ZNF20: variants seen among roughly 807,000 people sequenced by gnomAD.
ZNF20 encodes the protein zinc finger protein 20, also known as zinc finger protein KOX13.
ZNF20 carries 9 observed loss-of-function variants against 11.0 expected under a neutral mutation model. That is an observed-to-expected ratio of 0.82 (90% CI 0.49 to 1.43). The LOEUF (loss-of-function observed/expected upper bound fraction) is 1.43, where lower values mean the gene tolerates loss of function less well. Among genes scored for constraint, ZNF20 ranks in the 40% most tolerant of loss-of-function variants. ZNF20 has a pLI of 0.00. For missense variants in ZNF20, 528 were observed against 640.8 expected (o/e 0.82, Z 1.90); for synonymous variants, 182 against 213.0 (o/e 0.85, Z 1.27).
Position 12,133,425 on chromosome 19 carries a change from G to T in ZNF20, c.761C>A (p.Ala254Asp). 6.2e-7 allele frequency: 1 copy of T among 1,614,014 alleles called. No individual in the cohort carries two copies. ...ATTCCCACATTCTTTACATTCATCG[G>T]CATTCACTCCTGTGTGAGTTCTTTC... is the stretch of plus-strand genomic sequence containing the variant. The part of the protein sequence containing the change: ...VHERTHTGVN[A>D]DECKECGNAF... Residue 254 changes from alanine to aspartate, a missense_variant, in exon 4 of 4, where the codon GCC becomes GAC. Ala to Asp is a moderately radical substitution (Grantham distance 126). Transcript: ENST00000334213.
At chr19:12,134,301 G>C (rs1599432301) in intron 3 of ZNF20, among the ~76,000 whole-genome samples, 1 of 151,872 alleles carries the variant, frequency 6.6e-6, no homozygotes, top group South Asian at 2.1e-4. Flanking sequence ...TCTAGCCTGG[G>C]TGACAAGGGC....
intron 1 of ZNF20, 76 bp downstream of exon 1, chr19:12,140,104 G>T (rs1976776752): frequency 1.3e-6 from 2 of 1,544,702 alleles, no homozygotes; most frequent in Admixed American, 1.9e-5. Context: ...AGGAGGCCCA[G>T]ATCCCACCAC....
Position 12,133,446 on chromosome 19 carries a change from C to T in ZNF20, c.740G>A (p.Arg247Lys), listed in dbSNP as rs371304651. 3 of 1,614,098 alleles carry T rather than the reference C, an allele frequency of 1.9e-6. No homozygotes were observed. Among genetic ancestry groups the T allele is most frequent in the Non-Finnish European group, 2.5e-6 (3 of 1,179,950 alleles). ...TRSTTLPVHE[R>K]THTGVNADEC... is the part of the protein sequence containing the mutation. ...ATCGGCATTCACTCCTGTGTGAGTT[C>T]TTTCATGTACTGGAAGGGTAGTGGA... The change falls in exon 4 of 4, where the codon AGA (arginine) becomes AAA (lysine). Residue 247 changes from arginine (R) to lysine (K), a missense_variant. By Grantham distance (26) the Arg-to-Lys change is conservative. Transcript: ENST00000334213.
intron 3 of ZNF20, 86 bp downstream of exon 3, chr19:12,135,414 A>G (rs1027362037): frequency 1.4e-6 from 2 of 1,393,176 alleles, no homozygotes; most frequent in African/African-American, 2.9e-5. Flanking sequence ...TGCTGGGATT[A>G]CAGGCGTGAG....
In ZNF20 at chr19:12,132,356, G is replaced by A; in HGVS notation, c.*231C>T. 1 of 498,920 alleles carries A rather than the reference G, an allele frequency of 2.0e-6. No homozygotes were observed. The allele number at this position is 498,920 out of a possible 1,614,324, so 30.9% of individuals were successfully genotyped here. On this transcript the variant is annotated 3_prime_UTR_variant, in exon 4 of 4. Coordinates refer to ENST00000334213, the MANE Select transcript of ZNF20 (RefSeq NM_021143.4). ...TCCCTGTGTGGGGCCTCTAATATGTGACTGATGCCTTCCTTTTCTGTGCCT... is the reference window on the plus strand; with the variant it reads ...TCCCTGTGTGGGGCCTCTAATATGTAACTGATGCCTTCCTTTTCTGTGCCT...
chr19:12,136,008 T>A (rs965323877), intron 1 of ZNF20, 104 bp from the exon 2 acceptor site: 1 of 1,426,724 alleles, frequency 7.0e-7, no homozygotes, highest in Non-Finnish European at 9.4e-7. Flanking sequence ...ATTTATCCCA[T>A]GACTTGGTCA....
intron 3 of ZNF20, 41 bp from the exon 4 acceptor site, chr19:12,134,026 TA>T: frequency 6.5e-7 from 1 of 1,544,030 alleles, no homozygotes; most frequent in Non-Finnish European, 8.7e-7. Context: ...ACGGTTTGAT[TA>T]AAAGTGACTT....
In ZNF20 at chr19:12,140,160, C is replaced by T. The variant is rs779880244; in HGVS notation, c.3+20G>A. On this transcript the variant is annotated intron_variant, in intron 1 of 3. Transcript: ENST00000334213. ...ACCCAGCCCCTCCCCCGTCTGGGGACTCCGGCCCCATACACTCACCATTTC... is the reference window on the plus strand; with the variant it reads ...ACCCAGCCCCTCCCCCGTCTGGGGATTCCGGCCCCATACACTCACCATTTC... 1.9e-6 allele frequency: 3 copies of T among 1,598,496 alleles called. No homozygotes were observed. In the African/African-American group the frequency reaches 4.0e-5, roughly 21 times the overall value.
rs988565603 is a variant in ZNF20 at position 12,140,312 on chromosome 19, A to G, written c.-130T>C. 4 of 1,206,898 alleles carry G rather than the reference A, an allele frequency of 3.3e-6. No individual in the cohort carries two copies. The highest frequency in any genetic ancestry group is 3.6e-6 in the Non-Finnish European group (3 of 833,966). 74.8% of individuals were successfully genotyped at this position (1,206,898 alleles called of 1,614,324 possible). ...GGCCTCTCGGAGTAGGAAATCTGGT[A>G]TCCCGACAACAACCTGCATAGCAAC... On this transcript the variant is annotated 5_prime_UTR_variant, in exon 1 of 4. Transcript: ENST00000334213.
intron 1 of ZNF20, 30 bp downstream of exon 1, chr19:12,140,150 C>G (rs745684580): frequency 1.3e-6 from 2 of 1,594,428 alleles, no homozygotes; most frequent in Non-Finnish European, 8.5e-7. Flanking sequence ...GCCCCTCCCC[C>G]GTCTGGGGAC....
intron 3 of ZNF20, among the ~76,000 whole-genome samples, chr19:12,135,071 G>A (rs2145599091): frequency 6.6e-6 from 1 of 152,054 alleles, no homozygotes; most frequent in South Asian, 2.1e-4. Flanking sequence ...TATGTTTTTA[G>A]GAAAACTTTC....
intron 1 of ZNF20, among the ~76,000 whole-genome samples, chr19:12,136,682 C>T (rs1333642077): frequency 2.6e-5 from 4 of 151,878 alleles, no homozygotes; most frequent in South Asian, 2.1e-4. Context: ...AGTGAAACTC[C>T]GTCTCGAAAA....
Position 12,135,715 on chromosome 19 carries a change from G to A in ZNF20, c.139+54C>T, listed in dbSNP as rs777650155. 5.9e-4 allele frequency: 946 copies of A among 1,605,178 alleles called. 2 individuals carry two copies. The highest frequency in any genetic ancestry group is 6.4e-4 in the South Asian group (57 of 89,254). ...TTCCAAATCAATGAACAGCATTGAT[G>A]AGCTAGAAGCATTTGTTCTCTAATT... On this transcript the variant is annotated intron_variant, in intron 2 of 3. Coordinates refer to ENST00000334213, the MANE Select transcript of ZNF20 (RefSeq NM_021143.4).
At chr19:12,134,451 T>G (rs1044355803) in intron 3 of ZNF20, among the ~76,000 whole-genome samples, 1 of 152,220 alleles carries the variant, frequency 6.6e-6, no homozygotes, top group Non-Finnish European at 1.5e-5. Flanking sequence ...GAGATCAGCC[T>G]GGCCAACATG....
intron 3 of ZNF20, among the ~76,000 whole-genome samples, chr19:12,134,888 G>C (rs7247857): frequency 0.015 from 2,216 of 151,240 alleles, 49 homozygotes; most frequent in African/African-American, 0.052. Flanking sequence ...TTTTTTTTGA[G>C]TTGGGGTCTC....
At position 12,131,915 on chromosome 19, in the gene ZNF20, G is replaced by C. The variant is rs1464217553; in HGVS notation, c.*672C>G. 1 of 152,210 alleles carries C rather than the reference G, an allele frequency of 6.6e-6. No individual in the cohort carries two copies. The highest frequency in any genetic ancestry group is 1.9e-4 in the East Asian group (1 of 5,200). The allele number at this position is 152,210 out of a possible 1,614,324, so 9.4% of individuals were successfully genotyped here. A position where few individuals can be genotyped will look rare whatever the true frequency, so the allele number is the denominator to read the frequency against. On this transcript the variant is annotated 3_prime_UTR_variant, in exon 4 of 4. Transcript: ENST00000334213. ...TAACAGCAAATGCTTGAAATTTCCT[G>C]ATAAGAGCAAGGTGGCTCTTCTCAC...
chr19:12,139,602 C>T lies in ZNF20; in HGVS notation c.3+578G>A, dbSNP rs1976767109. Among the ~76,000 whole-genome samples the T allele has an allele frequency of 6.6e-6, 1 of 151,574 alleles. No individual in the cohort carries two copies. The highest frequency in any genetic ancestry group is 6.6e-5 in the Admixed American group (1 of 15,184). On this transcript the variant is annotated intron_variant, in intron 1 of 3. Coordinates refer to ENST00000334213, the MANE Select transcript of ZNF20 (RefSeq NM_021143.4). The surrounding 1 kb of genome is among the most constrained non-coding windows in gnomAD (Gnocchi z 4.0). ...TTGGAGTGCAGTGGCGTGATCTCGG[C>T]TCACTGCAACCTTCGTCTCCTGGGG...
chr19:12,133,472 A>AC lies in ZNF20; in HGVS notation c.713dup (p.Ser239PhefsTer8). On this transcript the variant is annotated frameshift_variant, in exon 4 of 4. Coordinates refer to ENST00000334213, the MANE Select transcript of ZNF20 (RefSeq NM_021143.4). LOFTEE classifies it low-confidence loss of function (END_TRUNC). The stretch of plus-strand genomic sequence containing the variant: ...TTTCATGTACTGGAAGGGTAGTGGA[A>AC]CGAGTAAAGGCCTTACCACATTGTT... 6.2e-7 allele frequency: 1 copy of AC among 1,614,184 alleles called. No individual in the cohort carries two copies.
chr19:12,135,990 C>T lies in ZNF20; in HGVS notation c.4-86G>A, dbSNP rs564947875. On this transcript the variant is annotated intron_variant, in intron 1 of 3. Coordinates refer to ENST00000334213, the MANE Select transcript of ZNF20 (RefSeq NM_021143.4). ...TAAGAAGTTCTCATGATACTGTGGA[C>T]TCCAAACATTTATCCCATGACTTGG... is the stretch of plus-strand genomic sequence containing the variant. 2.0e-6 allele frequency: 3 copies of T among 1,507,384 alleles called. No homozygotes were observed. The South Asian group carries it at 3.8e-5, about 19-fold the overall frequency. 93.4% of individuals were successfully genotyped at this position (1,507,384 alleles called of 1,614,324 possible).
Sources: allele counts gnomAD v4.1 joint callset (sites outside exome capture counted in the v4.1 genomes callset), GRCh38; gene constraint gnomAD v4.1.1; non-coding constraint Gnocchi (gnomAD v3.1); transcripts MANE v1.5; gene names NCBI Gene and HGNC (gene_info 2026-07-23, HGNC 2026-07-21).